The following HIVEP3 variants were observed in gnomAD, a reference collection of about 807,000 sequenced individuals.
HIVEP3 encodes the protein transcription factor HIVEP3.
Under a neutral mutation model 152.8 loss-of-function variants are expected in HIVEP3, and 49 were observed. The observed-to-expected ratio is 0.32, with a 90% CI of 0.26 to 0.41. The LOEUF is 0.41. Among genes scored for constraint, HIVEP3 ranks in the 10% least tolerant of loss-of-function variants. The pLI, the probability that HIVEP3 is intolerant of heterozygous loss-of-function variation, is 1.00. For missense variants in HIVEP3, 2,790 were observed against 3,103.3 expected, an observed-to-expected ratio of 0.90 and a Z score of 2.40; for synonymous variants, 1,269 against 1,289.0, an observed-to-expected ratio of 0.98 and a Z score of 0.33.
At chr1:41,674,430 G>A (rs1035796913) in intron 2 of HIVEP3, among the ~76,000 whole-genome samples, 12 of 152,162 alleles carry the variant, frequency 7.9e-5, no homozygotes, top group African/African-American at 2.7e-4. Flanking sequence ...GAGCTCTCAG[G>A]GTGCTGACTG....
At chr1:41,990,520 A>G (rs1645353741) in intron 1 of HIVEP3, among the ~76,000 whole-genome samples, 1 of 141,280 alleles carries the variant, frequency 7.1e-6, no homozygotes, top group African/African-American at 2.6e-5. Context: ...AGTGACCTAC[A>G]AAGAGACTTA....
chr1:41,958,301 G>A (rs1266197536), intron 1 of HIVEP3, among the ~76,000 whole-genome samples: 1 of 152,192 alleles, frequency 6.6e-6, no homozygotes, highest in Non-Finnish European at 1.5e-5. Flanking sequence ...AGACCCTGAG[G>A]GTTCAGGAGC....
In HIVEP3 at chr1:41,510,906, G is replaced by A. The variant is rs1336907339; in HGVS notation, c.6766C>T (p.Pro2256Ser). The change falls in exon 9 of 9, where the codon CCT becomes TCT. Residue 2256 changes from proline (P) to serine (S), a missense_variant. Physicochemically the swap from Pro to Ser is moderately conservative, Grantham distance 74. Around this residue, in one of 9 missense-constraint regions of HIVEP3, gnomAD observed 816 missense variants for 806.5 expected, o/e 1.01. Transcript: ENST00000372583. Reference sequence around the variant, plus strand: ...GTGAATTTGGAGACCTTAGCCACAGGCGACACGGAGGCTGACGAGCTCTCA... The same window carrying A: ...GTGAATTTGGAGACCTTAGCCACAGACGACACGGAGGCTGACGAGCTCTCA... ...PTESSSASVS[P>S]VAKVSKFTLS... 3 of 1,613,576 alleles carry A rather than the reference G, an allele frequency of 1.9e-6. No individual in the cohort carries two copies. The highest frequency in any genetic ancestry group is 1.1e-5 in the South Asian group (1 of 91,086).
In HIVEP3 at chr1:41,584,316, G is replaced by A; in HGVS notation, c.482C>T (p.Pro161Leu). The A allele has an allele frequency of 6.2e-7, 1 of 1,613,860 alleles. No homozygotes were observed. The highest frequency in any genetic ancestry group is 8.5e-7 in the Non-Finnish European group (1 of 1,179,880). The stretch of plus-strand genomic sequence containing the variant: ...GGAAGGACGAGGCACGAAGACTTTG[G>A]GGACTCCAGGAAGGTCCTCGGGGGG... ...IIPPEDLPGV[P>L]KVFVPRPSQV... Residue 161 changes from proline (P) to leucine (L), a missense_variant, in exon 4 of 9, where the codon CCC (proline) becomes CTC (leucine). Around this residue, in one of 9 missense-constraint regions of HIVEP3, gnomAD observed 209 missense variants for 237.0 expected, o/e 0.88. Coordinates refer to ENST00000372583, the MANE Select transcript of HIVEP3 (RefSeq NM_024503.5). The surrounding 1 kb of genome is among the most constrained non-coding windows in gnomAD (Gnocchi z 5.2).
At chr1:41,999,347 A>C (rs563140281) in intron 1 of HIVEP3, among the ~76,000 whole-genome samples, 1 of 152,220 alleles carries the variant, frequency 6.6e-6, no homozygotes, top group African/African-American at 2.4e-5. Context: ...AAAGGCAATT[A>C]GAATTGGAGA....
intron 6 of HIVEP3, among the ~76,000 whole-genome samples, chr1:41,523,479 C>G (rs570575006): frequency 1.3e-5 from 2 of 152,096 alleles, no homozygotes; most frequent in South Asian, 4.2e-4. Context: ...CAGAGGAGGG[C>G]AGGGGTTCAG....
chr1:41,620,012 T>TG (rs769375597), intron 3 of HIVEP3, among the ~76,000 whole-genome samples: 19 of 152,140 alleles, frequency 1.2e-4, no homozygotes, highest in Non-Finnish European at 2.5e-4. Context: ...TGCAGGGGTT[T>TG]GGGGGCTGCA....
At chr1:41,676,159 C>G (rs1460365995) in intron 2 of HIVEP3, among the ~76,000 whole-genome samples, 1 of 152,130 alleles carries the variant, frequency 6.6e-6, no homozygotes, top group Non-Finnish European at 1.5e-5. Context: ...TCAACTGATT[C>G]TCCTGCCTTA....
At chr1:41,888,680 A>AC (rs1304282881) in intron 1 of HIVEP3, among the ~76,000 whole-genome samples, 2 of 132,710 alleles carry the variant, frequency 1.5e-5, no homozygotes, top group South Asian at 2.9e-4. Context: ...TACCTCATGT[A>AC]CCCCCCAACA....
In HIVEP3 at chr1:41,584,662, G is replaced by C. The variant is rs1216401824; in HGVS notation, c.136C>G (p.Gln46Glu). The C allele has an allele frequency of 1.3e-6, 2 of 1,592,700 alleles. No homozygotes were observed. Among genetic ancestry groups the C allele is most frequent in the Non-Finnish European group, 1.7e-6 (2 of 1,169,300 alleles). ...PYPGSGTAAT[Q>E]ESPAQELLAP... ...AAGAGCTCTTGGGCGGGGCTCTCTT[G>C]GGTGGCAGCTGTGCCGCTGCCTGGG... The change falls in exon 4 of 9, where the codon CAA (glutamine) becomes GAA (glutamate). Residue 46 changes from glutamine to glutamate, a missense_variant. By Grantham distance (29) the Gln-to-Glu change is conservative (BLOSUM62 2). Transcript: ENST00000372583. The surrounding 1 kb of genome is among the most constrained non-coding windows in gnomAD (Gnocchi z 5.2).
intron 1 of HIVEP3, among the ~76,000 whole-genome samples, chr1:41,928,952 A>G (rs779038388): frequency 2.6e-5 from 4 of 152,184 alleles, no homozygotes; most frequent in Non-Finnish European, 5.9e-5. Context: ...GAGACCTCAC[A>G]TTATCCCTTG....
At chr1:41,527,218 A>ACACT (rs1642993108) in intron 5 of HIVEP3, among the ~76,000 whole-genome samples, 1 of 36,304 alleles carries the variant, frequency 2.8e-5, no homozygotes, top group Non-Finnish European at 7.0e-5. Flanking sequence ...GCTCACCCTC[A>ACACT]CACACTCACC....
At chr1:41,528,767 C>A in intron 5 of HIVEP3, among the ~76,000 whole-genome samples, 1 of 137,308 alleles carries the variant, frequency 7.3e-6, no homozygotes, top group Non-Finnish European at 1.6e-5. Context: ...TCACACTCAC[C>A]TTCACACACT....
At position 41,591,524 on chromosome 1, in the gene HIVEP3, A is replaced by G. The variant is rs566656977; in HGVS notation, c.-521-6206T>C. Reference sequence around the variant, plus strand: ...TGAAGGCTTCATACCAACCCAGGGCACAAGCTAGAACTGATAATCATGGAT... The same window carrying G: ...TGAAGGCTTCATACCAACCCAGGGCGCAAGCTAGAACTGATAATCATGGAT... On this transcript the variant is annotated intron_variant, in intron 3 of 8. Coordinates refer to ENST00000372583, the MANE Select transcript of HIVEP3 (RefSeq NM_024503.5). 9.9e-5 allele frequency among the ~76,000 whole-genome samples: 15 copies of G among 152,172 alleles called. 1 individual carries two copies. In the South Asian group the frequency reaches 3.1e-3, roughly 32 times the overall value.
At chr1:41,880,863 G>A (rs767660902) in intron 1 of HIVEP3, among the ~76,000 whole-genome samples, 8 of 152,290 alleles carry the variant, frequency 5.3e-5, no homozygotes, top group Non-Finnish European at 8.8e-5. Context: ...AAAAGGTTGC[G>A]AAAGGGGCCA....
chr1:41,817,029 G>A (rs1203011167), intron 1 of HIVEP3, among the ~76,000 whole-genome samples: 1 of 152,182 alleles, frequency 6.6e-6, no homozygotes, highest in Non-Finnish European at 1.5e-5. Context: ...TGGCTTAAAT[G>A]TCTGCCCCTT....
intron 1 of HIVEP3, among the ~76,000 whole-genome samples, chr1:41,985,729 G>A (rs966886206): frequency 5.9e-5 from 9 of 152,192 alleles, no homozygotes; most frequent in African/African-American, 2.2e-4. Context: ...GCGAGGAACA[G>A]CAATAGCTAG....
At chr1:41,540,472 G>A (rs558133009) in intron 5 of HIVEP3, among the ~76,000 whole-genome samples, 2 of 152,304 alleles carry the variant, frequency 1.3e-5, no homozygotes, top group African/African-American at 2.4e-5. Context: ...GGGTTGGGGC[G>A]TGGGGGAGGA....
At chr1:42,002,890 A>G (rs963973876) in intron 1 of HIVEP3, among the ~76,000 whole-genome samples, 3 of 150,240 alleles carry the variant, frequency 2.0e-5, no homozygotes, top group African/African-American at 4.9e-5. Flanking sequence ...CTGGCATTTT[A>G]CCCGCACATG....
Sources: gnomAD v4.1 joint callset for allele counts (sites outside exome capture counted in the v4.1 genomes callset) on GRCh38, gnomAD v4.1.1 for gene constraint, gnomAD v4.1.1 regional missense constraint, Gnocchi (gnomAD v3.1) non-coding constraint, MANE v1.5 for transcripts, NCBI Gene and HGNC (gene_info 2026-07-23, HGNC 2026-07-21) for gene names.